Variants in LRFN5 observed in about 807,000 individuals in gnomAD.
LRFN5 encodes leucine-rich repeat and fibronectin type-III domain-containing protein 5.
A neutral mutation model predicts 45.6 loss-of-function variants in LRFN5; 24 were observed. The observed-to-expected ratio is 0.53, with a 90% CI of 0.38 to 0.74. The LOEUF is 0.74. LRFN5 is among the 30% of genes least tolerant of loss of function. The pLI is 0.00. For missense variants in LRFN5, 776 were observed against 861.5 expected (o/e 0.90, Z 1.24); for synonymous variants, 340 against 313.8 (o/e 1.08, Z -0.88).
In LRFN5 at chr14:41,887,813, T is replaced by C. The variant is rs1184001246; in HGVS notation, c.1188T>C (p.Asp396=). 1 of 1,614,014 alleles carries C rather than the reference T, an allele frequency of 6.2e-7. No individual in the cohort carries two copies. Among genetic ancestry groups the C allele is most frequent in the Non-Finnish European group, 8.5e-7 (1 of 1,179,964 alleles). ...HIHEPDPGSS[D]ISTSTKSGSN... is the part of the protein sequence containing the mutation. Reference sequence around the variant, plus strand: ...ATGAGCCTGATCCTGGTTCTTCAGATATCTCAACTTCTACCAAGTCAGGTT... The same window carrying C: ...ATGAGCCTGATCCTGGTTCTTCAGACATCTCAACTTCTACCAAGTCAGGTT... Residue 396 remains aspartate (D), a synonymous_variant, in exon 3 of 6, where the codon GAT becomes GAC. Transcript: ENST00000298119. This position sits in a 1 kb window ranked among gnomAD's most constrained non-coding sequence, Gnocchi z 4.8.
intron 1 of LRFN5, among the ~76,000 whole-genome samples, chr14:41,717,817 CT>C (rs1479542302): frequency 3.9e-5 from 6 of 152,118 alleles, no homozygotes; most frequent in Non-Finnish European, 8.8e-5. Flanking sequence ...AAAGGGAAGT[CT>C]TTTTCCTGGT....
intron 1 of LRFN5, among the ~76,000 whole-genome samples, chr14:41,659,987 T>C (rs1346430845): frequency 2.0e-5 from 3 of 151,952 alleles, no homozygotes; most frequent in African/African-American, 7.2e-5. Context: ...TTTCTCCAAT[T>C]CTGTAGGTTG....
intron 1 of LRFN5, among the ~76,000 whole-genome samples, chr14:41,672,071 A>G (rs1281118907): frequency 6.6e-6 from 1 of 152,208 alleles, no homozygotes; most frequent in African/African-American, 2.4e-5. Context: ...TTCTGATTCT[A>G]CTAGGTGCCT....
intron 2 of LRFN5, among the ~76,000 whole-genome samples, chr14:41,862,298 T>C (rs554938710): frequency 6.6e-6 from 1 of 152,338 alleles, no homozygotes; most frequent in East Asian, 1.9e-4. Context: ...CATTATTAAT[T>C]ATTTTAGCCT....
intron 5 of LRFN5, among the ~76,000 whole-genome samples, chr14:41,901,202 C>T (rs530048895): frequency 2.0e-4 from 30 of 151,798 alleles, no homozygotes; most frequent in Non-Finnish European, 3.7e-4. Context: ...AAAGGAATTA[C>T]GTATAAAATT....
intron 2 of LRFN5, among the ~76,000 whole-genome samples, chr14:41,810,503 T>C (rs1360228008): frequency 2.6e-5 from 4 of 152,064 alleles, no homozygotes; most frequent in African/African-American, 7.2e-5. Context: ...CAAGGTATTG[T>C]TGACTGTCTC....
chr14:41,685,724 C>T (rs1882090092), intron 1 of LRFN5, among the ~76,000 whole-genome samples: 1 of 152,222 alleles, frequency 6.6e-6, no homozygotes, highest in Non-Finnish European at 1.5e-5. Flanking sequence ...AATAAAAGGG[C>T]TTTTCCCCAT....
intron 2 of LRFN5, among the ~76,000 whole-genome samples, chr14:41,768,343 T>C (rs1351687274): frequency 1.3e-5 from 2 of 152,096 alleles, no homozygotes; most frequent in Non-Finnish European, 2.9e-5. Context: ...CTAGATTATA[T>C]TGAGGTTAAT....
intron 2 of LRFN5, among the ~76,000 whole-genome samples, chr14:41,857,642 G>A (rs1318240005): frequency 6.6e-6 from 1 of 152,172 alleles, no homozygotes; most frequent in Non-Finnish European, 1.5e-5. Context: ...TACTACCTGT[G>A]TGGTGATAAA....
At chr14:41,713,429 A>G (rs1883364354) in intron 1 of LRFN5, among the ~76,000 whole-genome samples, 2 of 152,102 alleles carry the variant, frequency 1.3e-5, no homozygotes, top group African/African-American at 2.4e-5. Context: ...TACAAAGACA[A>G]TCTATAAACT....
intron 1 of LRFN5, among the ~76,000 whole-genome samples, chr14:41,666,992 A>G (rs1880931630): frequency 6.6e-6 from 1 of 152,124 alleles, no homozygotes; most frequent in African/African-American, 2.4e-5. Flanking sequence ...TTTTTATTGT[A>G]TTTCTATTTC....
At chr14:41,790,314 G>T (rs1006543323) in intron 2 of LRFN5, among the ~76,000 whole-genome samples, 1 of 151,606 alleles carries the variant, frequency 6.6e-6, no homozygotes, top group Admixed American at 6.6e-5. Context: ...ATTCCTATTT[G>T]AGTCTTATTT....
chr14:41,781,645 AAG>A (rs767152110), intron 2 of LRFN5, among the ~76,000 whole-genome samples: 119 of 150,128 alleles, frequency 7.9e-4, no homozygotes, highest in African/African-American at 2.6e-3. Context: ...GAAAGAAAGA[AAG>A]AGAAAGAAAG....
intron 1 of LRFN5, among the ~76,000 whole-genome samples, chr14:41,741,828 C>CAAAAA (rs1372616682): frequency 1.5e-5 from 2 of 133,418 alleles, no homozygotes; most frequent in Non-Finnish European, 3.4e-5. Flanking sequence ...AAAAAAAAAC[C>CAAAAA]AAAAAACTAA....
chr14:41,856,672 A>ATTTTTTTTTTT (rs1889465921), intron 2 of LRFN5, among the ~76,000 whole-genome samples: 6 of 5,982 alleles, frequency 1.0e-3, no homozygotes, highest in Admixed American at 2.6e-3. Context: ...TATTATTATT[A>ATTTTTTTTTTT]TTATTTTTTT....
chr14:41,608,922 T>C (rs1350870143), intron 1 of LRFN5, among the ~76,000 whole-genome samples: 9 of 152,180 alleles, frequency 5.9e-5, no homozygotes, highest in Non-Finnish European at 1.3e-4. Context: ...CCTTTCCAGA[T>C]TGTGAAGTGT....
intron 2 of LRFN5, among the ~76,000 whole-genome samples, chr14:41,879,243 G>T (rs1376344983): frequency 6.6e-6 from 1 of 151,956 alleles, no homozygotes; most frequent in East Asian, 1.9e-4. Flanking sequence ...GAAGATTTAT[G>T]TTCCTAAAAT....
chr14:41,680,496 T>A (rs970646959), intron 1 of LRFN5, among the ~76,000 whole-genome samples: 3 of 152,146 alleles, frequency 2.0e-5, no homozygotes, highest in Admixed American at 6.5e-5. Flanking sequence ...TTCTTCCAGA[T>A]CTTATCGGAG....
intron 1 of LRFN5, among the ~76,000 whole-genome samples, chr14:41,703,846 T>C (rs1419140183): frequency 1.3e-5 from 2 of 149,490 alleles, no homozygotes; most frequent in Non-Finnish European, 3.0e-5. Context: ...TGTAGATTTG[T>C]TTTCTTTGGG....
Sources: gnomAD v4.1 joint callset for allele counts (sites outside exome capture counted in the v4.1 genomes callset) on GRCh38, gnomAD v4.1.1 for gene constraint, Gnocchi (gnomAD v3.1) non-coding constraint, MANE v1.5 for transcripts, NCBI Gene and HGNC (gene_info 2026-07-23, HGNC 2026-07-21) for gene names.